NRXN3: variants seen among roughly 807,000 people sequenced by gnomAD.
NRXN3 encodes neurexin 3.
In NRXN3, 32 loss-of-function variants were observed where a neutral mutation model predicts 137.6. That is an observed-to-expected ratio of 0.23 (90% CI 0.18 to 0.31). NRXN3 has a LOEUF of 0.31. Among genes scored for constraint, NRXN3 ranks in the 10% least tolerant of loss-of-function variants. The pLI, the probability that NRXN3 is intolerant of heterozygous loss-of-function variation, is 1.00. For missense variants in NRXN3, 1,574 were observed against 2,062.5 expected, an observed-to-expected ratio of 0.76 and a Z score of 4.59; for synonymous variants, 798 against 784.5, an observed-to-expected ratio of 1.02 and a Z score of -0.29.
At chr14:78,224,316 G>A (rs2064218723) in intron 1 of NRXN3, among the ~76,000 whole-genome samples, 1 of 151,396 alleles carries the variant, frequency 6.6e-6, no homozygotes, top group Non-Finnish European at 1.5e-5. Flanking sequence ...GGGTATATGT[G>A]CACAATGTGC....
At position 79,452,365 on chromosome 14, in the gene NRXN3, T is replaced by C. The variant is rs565852952; in HGVS notation, c.3263-14856T>C. ...GTGTGTCTGAATACATCCATCATAA[T>C]AAATCTTCAAGCTTGGATGGAAGTG... is the stretch of plus-strand genomic sequence containing the variant. On this transcript the variant is annotated intron_variant, in intron 15 of 20. Coordinates refer to ENST00000335750, the MANE Select transcript of NRXN3 (RefSeq NM_001330195.2). 2.0e-5 allele frequency among the ~76,000 whole-genome samples: 3 copies of C among 152,314 alleles called. No individual in the cohort carries two copies. The South Asian group carries it at 6.2e-4, about 32-fold the overall frequency.
At chr14:78,669,967 C>T (rs1407848545) in intron 6 of NRXN3, among the ~76,000 whole-genome samples, 3 of 152,008 alleles carry the variant, frequency 2.0e-5, no homozygotes, top group Non-Finnish European at 1.5e-5. Flanking sequence ...CCCATCAACC[C>T]GTCACCTACA....
chr14:78,570,600 G>T (rs2096880171), intron 4 of NRXN3, among the ~76,000 whole-genome samples: 1 of 152,166 alleles, frequency 6.6e-6, no homozygotes, highest in Non-Finnish European at 1.5e-5. Flanking sequence ...TTCTCCAGCA[G>T]CCCCCAGGAA....
chr14:78,444,576 G>T (rs988325070), intron 4 of NRXN3, among the ~76,000 whole-genome samples: 1 of 152,120 alleles, frequency 6.6e-6, no homozygotes, highest in Non-Finnish European at 1.5e-5. Context: ...AGGACCCAAG[G>T]TGTTTCCCAT....
chr14:78,314,563 T>C (rs2078332883), intron 4 of NRXN3, among the ~76,000 whole-genome samples: 1 of 152,124 alleles, frequency 6.6e-6, no homozygotes, highest in African/African-American at 2.4e-5. Flanking sequence ...CTGGACATAG[T>C]GTGCATCATC....
At chr14:78,484,435 T>C (rs1301996710) in intron 4 of NRXN3, among the ~76,000 whole-genome samples, 2 of 152,154 alleles carry the variant, frequency 1.3e-5, no homozygotes, top group African/African-American at 4.8e-5. Context: ...TCAGGAAGTA[T>C]GAATTGTGCT....
At chr14:79,670,226 G>A (rs1413114157) in intron 17 of NRXN3, among the ~76,000 whole-genome samples, 3 of 152,018 alleles carry the variant, frequency 2.0e-5, no homozygotes, top group African/African-American at 4.8e-5. Flanking sequence ...CCATGTAAAC[G>A]ATGGGCATTT....
chr14:78,413,235 G>T (rs1240705031), intron 4 of NRXN3, among the ~76,000 whole-genome samples: 1 of 152,214 alleles, frequency 6.6e-6, no homozygotes, highest in Non-Finnish European at 1.5e-5. Flanking sequence ...GAGGAGCTGA[G>T]CATGACTTGT....
intron 8 of NRXN3, among the ~76,000 whole-genome samples, chr14:78,726,706 A>G (rs779659130): frequency 3.3e-5 from 5 of 151,740 alleles, no homozygotes; most frequent in Non-Finnish European, 7.4e-5. Flanking sequence ...TTTTGTAGAC[A>G]TGGATTTTCA....
chr14:79,744,580 T>C (rs190864892), intron 19 of NRXN3, among the ~76,000 whole-genome samples: 1 of 152,188 alleles, frequency 6.6e-6, no homozygotes, highest in Non-Finnish European at 1.5e-5. Flanking sequence ...GTTACTAACA[T>C]CAACGCTTCG....
At chr14:78,604,112 C>CATTATA (rs988916013) in intron 4 of NRXN3, among the ~76,000 whole-genome samples, 3 of 152,142 alleles carry the variant, frequency 2.0e-5, no homozygotes, top group African/African-American at 7.2e-5. Flanking sequence ...AGAGGAAACC[C>CATTATA]ATTATAAAAT....
intron 15 of NRXN3, among the ~76,000 whole-genome samples, chr14:79,374,551 T>C (rs2094205037): frequency 6.6e-6 from 1 of 151,952 alleles, no homozygotes; most frequent in South Asian, 2.1e-4. Context: ...TGGCTTACTT[T>C]CCAATCTGAC....
intron 15 of NRXN3, among the ~76,000 whole-genome samples, chr14:79,145,194 T>TGAA (rs2059176062): frequency 1.3e-5 from 2 of 152,186 alleles, no homozygotes; most frequent in Non-Finnish European, 2.9e-5. Context: ...TGTGCCTTAA[T>TGAA]CTGTATGAAG....
At chr14:78,250,532 G>T (rs2068442583) in intron 2 of NRXN3, among the ~76,000 whole-genome samples, 2 of 152,226 alleles carry the variant, frequency 1.3e-5, no homozygotes, top group Admixed American at 6.5e-5. Flanking sequence ...ATTTGCTCCT[G>T]CCCAAGAGCA....
At position 78,502,931 on chromosome 14, in the gene NRXN3, C is replaced by G. The variant is rs1488890173; in HGVS notation, c.758-142189C>G. Among the ~76,000 whole-genome samples the G allele has an allele frequency of 2.0e-5, 3 of 152,164 alleles. No individual in the cohort carries two copies. In the East Asian group the frequency reaches 5.8e-4, roughly 29 times the overall value. On this transcript the variant is annotated intron_variant, in intron 4 of 20. Transcript: ENST00000335750. Reference sequence around the variant, plus strand: ...AGTCTGTGTCCAGTGTGATTTTTGGCAATTTCTACATTCTATGTGTATTTG... The same window carrying G: ...AGTCTGTGTCCAGTGTGATTTTTGGGAATTTCTACATTCTATGTGTATTTG...
At chr14:78,825,552 G>A (rs2098964280) in intron 10 of NRXN3, among the ~76,000 whole-genome samples, 1 of 152,188 alleles carries the variant, frequency 6.6e-6, no homozygotes, top group Non-Finnish European at 1.5e-5. Flanking sequence ...CATCTATACA[G>A]GCACCAAAAA....
In NRXN3 at chr14:79,775,649, C is replaced by T. The variant is rs899633235; in HGVS notation, c.4015-29463C>T. On this transcript the variant is annotated intron_variant, in intron 19 of 20. Coordinates refer to ENST00000335750, the MANE Select transcript of NRXN3 (RefSeq NM_001330195.2). ...ACTTCAGAGGTAGAGTTCTAGATGC[C>T]CATTTTACCACCCTAGGTCAGAAGT... 3.3e-5 allele frequency among the ~76,000 whole-genome samples: 5 copies of T among 151,654 alleles called. No homozygotes were observed. The East Asian group carries it at 7.7e-4, about 23-fold the overall frequency.
intron 15 of NRXN3, among the ~76,000 whole-genome samples, chr14:79,155,414 A>G (rs2060174834): frequency 1.3e-5 from 2 of 151,894 alleles, no homozygotes; most frequent in Admixed American, 1.3e-4. Flanking sequence ...GTCATTGCAC[A>G]GTATTTCCTA....
At chr14:79,765,881 C>CA in intron 19 of NRXN3, among the ~76,000 whole-genome samples, 1 of 152,060 alleles carries the variant, frequency 6.6e-6, no homozygotes. Context: ...TTGTAAACTT[C>CA]AAGTATGTAA....
Sources: gnomAD v4.1 joint callset for allele counts (sites outside exome capture counted in the v4.1 genomes callset) on GRCh38, gnomAD v4.1.1 for gene constraint, MANE v1.5 for transcripts, NCBI Gene and HGNC (gene_info 2026-07-23, HGNC 2026-07-21) for gene names.